The following STT3B variants were observed in gnomAD, a reference collection of about 807,000 sequenced individuals.
The protein encoded by STT3B is dolichyl-diphosphooligosaccharide--protein glycosyltransferase subunit STT3B.
A neutral mutation model predicts 96.8 loss-of-function variants in STT3B; 29 were observed. The observed-to-expected ratio is 0.30, with a 90% CI of 0.22 to 0.41. The LOEUF (loss-of-function observed/expected upper bound fraction) is 0.41. Among genes scored for constraint, STT3B ranks in the 10% least tolerant of loss-of-function variants. The pLI, the probability that STT3B is intolerant of heterozygous loss-of-function variation, is 1.00. For missense variants in STT3B, 640 were observed against 1,022.3 expected (o/e 0.63, Z 5.10); for synonymous variants, 367 against 360.0 (o/e 1.02, Z -0.22).
chr3:31,542,314 G>C (rs1697296929), intron 1 of STT3B, among the ~76,000 whole-genome samples: 1 of 152,186 alleles, frequency 6.6e-6, no homozygotes, highest in Non-Finnish European at 1.5e-5. Flanking sequence ...ACTGGAACTG[G>C]AGGTCTGAGC....
At chr3:31,536,934 A>G (rs1244195043) in intron 1 of STT3B, among the ~76,000 whole-genome samples, 5 of 152,230 alleles carry the variant, frequency 3.3e-5, no homozygotes, top group Admixed American at 3.3e-4. Flanking sequence ...TACCTTCTCC[A>G]TATCCATTAT....
Position 31,615,154 on chromosome 3 carries a change from T to G in STT3B, c.927T>G (p.Pro309=), listed in dbSNP as rs756733689. ...GTTTAATATTATCAATGCAGATACC[T>G]TTTGTGGGATTCCAGCCAATCAGAA... is the stretch of plus-strand genomic sequence containing the variant. ...IVGLILSMQI[P]FVGFQPIRTS... is the part of the protein sequence containing the mutation. The change falls in exon 6 of 16, where the codon CCT becomes CCG. Residue 309 remains proline (P), a synonymous_variant. Coordinates refer to ENST00000295770, the MANE Select transcript of STT3B (RefSeq NM_178862.3). The G allele has an allele frequency of 3.4e-5, 54 of 1,611,270 alleles. No homozygotes were observed. Among genetic ancestry groups the G allele is most frequent in the Non-Finnish European group, 4.6e-5 (54 of 1,178,116 alleles).
Position 31,636,969 on chromosome 3 carries a change from T to C in STT3B, c.*905T>C, listed in dbSNP as rs941117916. On this transcript the variant is annotated 3_prime_UTR_variant, in exon 16 of 16. Transcript: ENST00000295770. ...ACTCATCAAAGTGACAAAAGACTTG[T>C]AACAACTTTGCCTGGACTTTTTTCA... is the stretch of plus-strand genomic sequence containing the variant. 1.3e-5 allele frequency: 2 copies of C among 152,190 alleles called. No homozygotes were observed. The highest frequency in any genetic ancestry group is 2.9e-5 in the Non-Finnish European group (2 of 68,016). The allele number at this position is 152,190 out of a possible 1,614,324, so 9.4% of individuals were successfully genotyped here.
chr3:31,616,242 TGTGTCTTC>T (rs1311010620), intron 6 of STT3B, among the ~76,000 whole-genome samples: 3 of 151,922 alleles, frequency 2.0e-5, no homozygotes, highest in African/African-American at 7.2e-5. Context: ...TTGGTGTCTC[TGTGTCTTC>T]ATCTTTTCCT....
chr3:31,624,846 CA>C, intron 11 of STT3B, 67 bp from the exon 12 acceptor site: 5 of 1,302,434 alleles, frequency 3.8e-6, no homozygotes, highest in Non-Finnish European at 4.3e-6. Flanking sequence ...TTTAATACCT[CA>C]AGATTTTAAG....
intron 1 of STT3B, among the ~76,000 whole-genome samples, chr3:31,553,001 C>A (rs1697603645): frequency 6.6e-6 from 1 of 150,494 alleles, no homozygotes; most frequent in Non-Finnish European, 1.5e-5. Context: ...ACACGGGAGG[C>A]TGAGGCAGGA....
intron 1 of STT3B, among the ~76,000 whole-genome samples, chr3:31,549,828 C>T (rs1223501053): frequency 6.6e-6 from 1 of 151,966 alleles, no homozygotes; most frequent in Non-Finnish European, 1.5e-5. Context: ...ACACGTTGTG[C>T]GTGCGTTATA....
At chr3:31,597,156 T>G (rs1486721448) in intron 4 of STT3B, among the ~76,000 whole-genome samples, 1 of 152,088 alleles carries the variant, frequency 6.6e-6, no homozygotes, top group African/African-American at 2.4e-5. Flanking sequence ...AAGATTATAT[T>G]CATTATTTAT....
At chr3:31,584,244 T>A (rs1356881702) in intron 3 of STT3B, among the ~76,000 whole-genome samples, 2 of 152,334 alleles carry the variant, frequency 1.3e-5, no homozygotes, top group East Asian at 3.9e-4. Context: ...TGAGTTTATT[T>A]CTGGACTCTC....
At chr3:31,635,842 A>G in intron 15 of STT3B, 142 bp from the exon 16 acceptor site, 1 of 580,308 alleles carries the variant, frequency 1.7e-6, no homozygotes, top group Non-Finnish European at 3.0e-6. Flanking sequence ...AGTGGTGTTC[A>G]CTGAACTATT....
In STT3B at chr3:31,636,630, T is replaced by G. The variant is rs975044393; in HGVS notation, c.*566T>G. The G allele has an allele frequency of 6.6e-6, 1 of 152,232 alleles. No homozygotes were observed. The highest frequency in any genetic ancestry group is 2.4e-5 in the African/African-American group (1 of 41,462). 9.4% of individuals were successfully genotyped at this position (152,232 alleles called of 1,614,324 possible). ...AATGTATATTTTCTGTTGCTTACTG[T>G]TTGCTCTGAGAAGAAGCTGCTGTTT... On this transcript the variant is annotated 3_prime_UTR_variant, in exon 16 of 16. Coordinates refer to ENST00000295770, the MANE Select transcript of STT3B (RefSeq NM_178862.3).
chr3:31,612,423 A>G (rs1699202826), intron 5 of STT3B, among the ~76,000 whole-genome samples: 1 of 152,232 alleles, frequency 6.6e-6, no homozygotes, highest in Non-Finnish European at 1.5e-5. Context: ...GTAAGTGGGT[A>G]TGAATGAGAC....
Position 31,622,143 on chromosome 3 carries a change from G to A in STT3B, c.1374G>A (p.Val458=), listed in dbSNP as rs1699443841. The part of the protein sequence containing the change: ...ISAVYFAGVM[V]RLMLTLTPVV... The stretch of plus-strand genomic sequence containing the variant: ...CTGTCTACTTTGCTGGAGTGATGGT[G>A]CGACTGATGTTGACTTTGACTCCAG... Residue 458 remains valine, a synonymous_variant, in exon 10 of 16, where the codon GTG becomes GTA. Transcript: ENST00000295770. The A allele has an allele frequency of 6.2e-7, 1 of 1,613,964 alleles. No individual in the cohort carries two copies. Among genetic ancestry groups the A allele is most frequent in the Admixed American group, 1.7e-5 (1 of 60,002 alleles).
chr3:31,630,696 A>G (rs1033499478), intron 14 of STT3B, among the ~76,000 whole-genome samples: 5 of 152,172 alleles, frequency 3.3e-5, no homozygotes, highest in Non-Finnish European at 5.9e-5. Context: ...TGCTTGCTTA[A>G]TTTTATACTA....
At chr3:31,549,030 CTG>C (rs1232747772) in intron 1 of STT3B, among the ~76,000 whole-genome samples, 1 of 151,962 alleles carries the variant, frequency 6.6e-6, no homozygotes, top group African/African-American at 2.4e-5. Flanking sequence ...TTATGAATCA[CTG>C]TAAGATTTTA....
chr3:31,562,059 C>T (rs1235000865), intron 1 of STT3B, among the ~76,000 whole-genome samples: 2 of 152,086 alleles, frequency 1.3e-5, no homozygotes, highest in African/African-American at 4.8e-5. Flanking sequence ...AGTGTTTTGG[C>T]CCGAGGGCAG....
At chr3:31,595,244 G>T (rs930970287) in intron 3 of STT3B, among the ~76,000 whole-genome samples, 4 of 152,186 alleles carry the variant, frequency 2.6e-5, no homozygotes, top group Non-Finnish European at 5.9e-5. Context: ...AAGTGAGTAG[G>T]AGAAGTTCAG....
At chr3:31,543,927 C>T (rs760188090) in intron 1 of STT3B, among the ~76,000 whole-genome samples, 7 of 152,074 alleles carry the variant, frequency 4.6e-5, no homozygotes, top group Non-Finnish European at 8.8e-5. Flanking sequence ...ATACAAAAAC[C>T]ATATGAGTTA....
At chr3:31,612,173 C>A (rs1699197251) in intron 5 of STT3B, among the ~76,000 whole-genome samples, 1 of 152,036 alleles carries the variant, frequency 6.6e-6, no homozygotes, top group Admixed American at 6.6e-5. Context: ...GCAAATATTC[C>A]AAAAATCCAA....
Sources: allele counts gnomAD v4.1 joint callset (sites outside exome capture counted in the v4.1 genomes callset), GRCh38; gene constraint gnomAD v4.1.1; transcripts MANE v1.5; gene names NCBI Gene and HGNC (gene_info 2026-07-23, HGNC 2026-07-21).